The following KRT80 variants were observed in gnomAD, a reference collection of about 807,000 sequenced individuals.
The protein encoded by KRT80 is keratin, type II cytoskeletal 80.
KRT80 carries 36 observed loss-of-function variants against 51.5 expected under a neutral mutation model. The ratio of observed to expected loss-of-function variants is 0.70; its 90% CI spans 0.54 to 0.92. KRT80 has a LOEUF of 0.92. Among genes scored for constraint, KRT80 ranks in the 40% least tolerant of loss-of-function variants. The pLI is 0.00. For synonymous variants in KRT80, 235 were observed against 248.3 expected (o/e 0.95, Z 0.50); for missense variants, 566 against 591.7 (o/e 0.96, Z 0.45).
In KRT80 at chr12:52,169,390, C is replaced by T. The variant is rs1941047359; in HGVS notation, c.*2008G>A. 6.6e-6 allele frequency: 1 copy of T among 152,420 alleles called. No individual in the cohort carries two copies. Among genetic ancestry groups the T allele is most frequent in the African/African-American group, 2.4e-5 (1 of 41,452 alleles). 9.4% of individuals were successfully genotyped at this position (152,420 alleles called of 1,614,324 possible). Reference sequence around the variant, plus strand: ...AGGAGAACTTTGTGTGTACCAGCTGCACTGGTCTGAAGATATAACTAAGTC... The same window carrying T: ...AGGAGAACTTTGTGTGTACCAGCTGTACTGGTCTGAAGATATAACTAAGTC... On this transcript the variant is annotated 3_prime_UTR_variant, in exon 9 of 9. Coordinates refer to ENST00000394815, the MANE Select transcript of KRT80 (RefSeq NM_182507.3).
At chr12:52,188,123 C>T (rs962862765) in intron 1 of KRT80, among the ~76,000 whole-genome samples, 1 of 152,090 alleles carries the variant, frequency 6.6e-6, no homozygotes, top group African/African-American at 2.4e-5. Flanking sequence ...ACCTTCCTTG[C>T]AGAAAGGCTC....
intron 4 of KRT80, among the ~76,000 whole-genome samples, chr12:52,174,806 G>A (rs563550213): frequency 1.3e-5 from 2 of 152,194 alleles, no homozygotes; most frequent in Non-Finnish European, 2.9e-5. Context: ...TCACAGCCTC[G>A]CACCTTTCTA....
At chr12:52,176,614 T>C (rs1002415715) in intron 4 of KRT80, among the ~76,000 whole-genome samples, 25 of 152,086 alleles carry the variant, frequency 1.6e-4, no homozygotes, top group African/African-American at 5.6e-4. Context: ...CCCAAGTAGC[T>C]GGGATTACAG....
In KRT80 at chr12:52,170,216, C is replaced by T. The variant is rs538189926; in HGVS notation, c.*1182G>A. On this transcript the variant is annotated 3_prime_UTR_variant, in exon 9 of 9. Coordinates refer to ENST00000394815, the MANE Select transcript of KRT80 (RefSeq NM_182507.3). ...TGGACCTCAAGGGCTTGGAAGCTCC[C>T]AGACTTGCCTGGACTGTGCCTTCTT... 6.6e-6 allele frequency: 1 copy of T among 152,648 alleles called. No homozygotes were observed. The highest frequency in any genetic ancestry group is 2.1e-4 in the South Asian group (1 of 4,826). The allele number at this position is 152,648 out of a possible 1,614,324, so 9.5% of individuals were successfully genotyped here. A position where few individuals can be genotyped will look rare whatever the true frequency, so the allele number is the denominator to read the frequency against.
chr12:52,173,917 T>C (rs1287502026), intron 4 of KRT80, among the ~76,000 whole-genome samples, 153 bp from the exon 5 acceptor site: 1 of 152,206 alleles, frequency 6.6e-6, no homozygotes, highest in African/African-American at 2.4e-5. Context: ...AATGCCTCCC[T>C]GCCACGTCTC....
rs1941070999 is a variant in KRT80 at position 52,170,552 on chromosome 12, G to A, written c.*846C>T. The A allele has an allele frequency of 6.6e-6, 1 of 152,274 alleles. No homozygotes were observed. The highest frequency in any genetic ancestry group is 1.5e-5 in the Non-Finnish European group (1 of 68,074). 9.4% of individuals were successfully genotyped at this position (152,274 alleles called of 1,614,324 possible). A position where few individuals can be genotyped will look rare whatever the true frequency, so the allele number is the denominator to read the frequency against. On this transcript the variant is annotated 3_prime_UTR_variant, in exon 9 of 9. Transcript: ENST00000394815. The stretch of plus-strand genomic sequence containing the variant: ...GGGGCACAGAGCTCAGATCCAGGCT[G>A]GGTAGGACCCCAGCATGGCAGGGAG...
At chr12:52,180,437 T>C in intron 4 of KRT80, 76 bp downstream of exon 4, 8 of 993,358 alleles carry the variant, frequency 8.1e-6, no homozygotes, top group Non-Finnish European at 1.1e-5. Context: ...ACTGGATGGC[T>C]GTGCTTCCCC....
intron 4 of KRT80, among the ~76,000 whole-genome samples, chr12:52,180,105 T>G (rs561008922): frequency 6.6e-6 from 1 of 152,338 alleles, no homozygotes; most frequent in South Asian, 2.1e-4. Context: ...ACTAGCACTG[T>G]GGGTGCTGTG....
At chr12:52,174,365 G>A (rs966412401) in intron 4 of KRT80, among the ~76,000 whole-genome samples, 5 of 152,178 alleles carry the variant, frequency 3.3e-5, no homozygotes, top group Admixed American at 1.3e-4. Context: ...CCCCTCTCCC[G>A]GCCCCACTGA....
chr12:52,179,116 C>T (rs1042564537), intron 4 of KRT80, among the ~76,000 whole-genome samples: 3 of 152,240 alleles, frequency 2.0e-5, no homozygotes, highest in Non-Finnish European at 2.9e-5. Flanking sequence ...ACACTGGGCT[C>T]GGTTTTCAGA....
intron 1 of KRT80, among the ~76,000 whole-genome samples, chr12:52,190,108 G>A (rs7963945): frequency 0.11 from 16,433 of 152,260 alleles, 1,710 homozygotes; most frequent in East Asian, 0.54. Flanking sequence ...AGGGCTGGGG[G>A]AAGGGATGCT....
At chr12:52,172,501 G>A (rs1435255006) in intron 6 of KRT80, 83 bp from the exon 7 acceptor site, 2 of 1,255,032 alleles carry the variant, frequency 1.6e-6, no homozygotes, top group East Asian at 2.4e-5. Flanking sequence ...CTCTGTCCTT[G>A]GTGGGGGTAG....
intron 1 of KRT80, among the ~76,000 whole-genome samples, chr12:52,190,417 T>C (rs902022690): frequency 2.0e-5 from 3 of 152,244 alleles, no homozygotes; most frequent in Admixed American, 6.5e-5. Flanking sequence ...GCATTTGCAA[T>C]GTTCCTCCAG....
At chr12:52,172,889 C>T (rs1941137343) in intron 6 of KRT80, 149 bp downstream of exon 6, 1 of 866,542 alleles carries the variant, frequency 1.2e-6, no homozygotes, top group Non-Finnish European at 1.7e-6. Context: ...GTGCTATTAT[C>T]CCATTTGACA....
intron 1 of KRT80, among the ~76,000 whole-genome samples, chr12:52,190,058 G>C (rs1171521028): frequency 1.3e-5 from 2 of 152,238 alleles, no homozygotes; most frequent in Non-Finnish European, 2.9e-5. Context: ...GCTGCTCTTA[G>C]AGGGAGAACC....
chr12:52,176,466 A>ACTT (rs1161619291), intron 4 of KRT80, among the ~76,000 whole-genome samples: 20 of 147,980 alleles, frequency 1.4e-4, no homozygotes, highest in Non-Finnish European at 2.1e-4. Context: ...GAATGCCATC[A>ACTT]CTTCTTCTTC....
intron 4 of KRT80, among the ~76,000 whole-genome samples, chr12:52,177,604 G>A (rs1941250586): frequency 6.6e-6 from 1 of 151,776 alleles, no homozygotes; most frequent in South Asian, 2.1e-4. Context: ...TACTCAGTTG[G>A]CTTGGAAGGG....
At chr12:52,175,804 CAGA>C (rs1941208512) in intron 4 of KRT80, among the ~76,000 whole-genome samples, 1 of 152,132 alleles carries the variant, frequency 6.6e-6, no homozygotes, top group African/African-American at 2.4e-5. Flanking sequence ...CAACCCGTGT[CAGA>C]ATAAGATTGA....
At chr12:52,174,486 G>C (rs948848295) in intron 4 of KRT80, among the ~76,000 whole-genome samples, 2 of 152,230 alleles carry the variant, frequency 1.3e-5, no homozygotes, top group Non-Finnish European at 2.9e-5. Flanking sequence ...TTGCCTGGAC[G>C]ACCACAATAT....
Sources: allele counts gnomAD v4.1 joint callset (sites outside exome capture counted in the v4.1 genomes callset), GRCh38; gene constraint gnomAD v4.1.1; transcripts MANE v1.5; gene names NCBI Gene and HGNC (gene_info 2026-07-23, HGNC 2026-07-21).